Variants in RIN2 observed in about 807,000 individuals in gnomAD.
RIN2 encodes the protein Ras and Rab interactor 2.
Under a neutral mutation model 78.0 loss-of-function variants are expected in RIN2, and 36 were observed. The ratio of observed to expected loss-of-function variants is 0.46; its 90% CI spans 0.35 to 0.61. The LOEUF (loss-of-function observed/expected upper bound fraction) is 0.61, where lower values mean the gene tolerates loss of function less well. Among genes scored for constraint, RIN2 ranks in the 20% least tolerant of loss-of-function variants. The pLI, the probability that RIN2 is intolerant of heterozygous loss-of-function variation, is 0.00. For synonymous variants in RIN2, 466 were observed against 466.8 expected, an observed-to-expected ratio of 1.00 and a Z score of 0.02; for missense variants, 1,087 against 1,159.7, an observed-to-expected ratio of 0.94 and a Z score of 0.91.
chr20:19,961,680 A>G (rs755576764), intron 6 of RIN2, among the ~76,000 whole-genome samples: 17 of 152,126 alleles, frequency 1.1e-4, no homozygotes, highest in Non-Finnish European at 1.9e-4. Flanking sequence ...GGAGGGCACA[A>G]TCTTGCTGAG....
intron 7 of RIN2, among the ~76,000 whole-genome samples, chr20:19,968,961 A>G (rs969591075): frequency 2.3e-4 from 35 of 150,184 alleles, no homozygotes; most frequent in African/African-American, 8.6e-4. Flanking sequence ...GGCCAAGCAA[A>G]GGGGGTGCTC....
In RIN2 at chr20:19,853,948, G is replaced by A. The variant is rs370380794; in HGVS notation, c.-36-35618G>A. On this transcript the variant is annotated intron_variant, in intron 2 of 12. Coordinates refer to ENST00000255006, the MANE Select transcript of RIN2 (RefSeq NM_018993.4). ...CTTTTGGTGTTTTAGTCATGAAGTCGTTGCCCATGCCTATGTCCTGAATGG... is the reference window on the plus strand; with the variant it reads ...CTTTTGGTGTTTTAGTCATGAAGTCATTGCCCATGCCTATGTCCTGAATGG... Among the ~76,000 whole-genome samples the A allele has an allele frequency of 3.3e-4, 50 of 152,148 alleles. No homozygotes were observed. In the South Asian group the frequency reaches 5.0e-3, roughly 15 times the overall value.
chr20:19,989,298 G>T (rs2042722229), intron 9 of RIN2, among the ~76,000 whole-genome samples: 1 of 137,592 alleles, frequency 7.3e-6, no homozygotes, highest in East Asian at 2.1e-4. Flanking sequence ...TTTTGAGATG[G>T]AGTATCACTC....
intron 2 of RIN2, among the ~76,000 whole-genome samples, chr20:19,832,140 T>C (rs943023307): frequency 6.6e-6 from 1 of 151,812 alleles, no homozygotes; most frequent in Non-Finnish European, 1.5e-5. Context: ...CACCACCTGC[T>C]GTGCTCTCTA....
chr20:19,830,631 C>A (rs1055209205), intron 2 of RIN2, among the ~76,000 whole-genome samples: 1 of 152,214 alleles, frequency 6.6e-6, no homozygotes, highest in Non-Finnish European at 1.5e-5. Context: ...AAAGCATGAA[C>A]AACTGCCACA....
intron 2 of RIN2, among the ~76,000 whole-genome samples, chr20:19,821,747 C>T (rs1015858679): frequency 6.6e-6 from 1 of 152,112 alleles, no homozygotes; most frequent in Non-Finnish European, 1.5e-5. Context: ...TCTGCAACAC[C>T]CTTCTGGCCT....
At chr20:19,900,473 A>C (rs1400285138) in intron 3 of RIN2, among the ~76,000 whole-genome samples, 3 of 150,926 alleles carry the variant, frequency 2.0e-5, no homozygotes, top group Non-Finnish European at 4.4e-5. Flanking sequence ...ACAGAGTCTC[A>C]AAATAAAAAA....
At chr20:19,881,925 C>T (rs573074605) in intron 2 of RIN2, among the ~76,000 whole-genome samples, 1 of 152,192 alleles carries the variant, frequency 6.6e-6, no homozygotes, top group Non-Finnish European at 1.5e-5. Context: ...TGTGGAATTG[C>T]TTCTACTTTC....
chr20:19,787,010 A>G (rs1427184085), intron 1 of RIN2, among the ~76,000 whole-genome samples: 1 of 152,226 alleles, frequency 6.6e-6, no homozygotes, highest in East Asian at 1.9e-4. Context: ...AGCTAAAAGG[A>G]CATAGGGACT....
intron 2 of RIN2, among the ~76,000 whole-genome samples, chr20:19,858,317 A>G (rs989597839): frequency 3.3e-5 from 5 of 152,192 alleles, no homozygotes; most frequent in Admixed American, 3.3e-4. Flanking sequence ...GAGTTAAATT[A>G]GGAAAGCGAG....
chr20:19,869,081 C>CAAAAAAA (rs11413677), intron 2 of RIN2, among the ~76,000 whole-genome samples: 1 of 76,304 alleles, frequency 1.3e-5, no homozygotes. Flanking sequence ...GACTCCGTCT[C>CAAAAAAA]AAAAAAAAAA....
At chr20:19,777,398 G>C (rs2034347767) in intron 1 of RIN2, among the ~76,000 whole-genome samples, 2 of 152,248 alleles carry the variant, frequency 1.3e-5, no homozygotes, top group Admixed American at 6.5e-5. Context: ...AAAGAAACAT[G>C]CTGTTTCAGA....
intron 1 of RIN2, among the ~76,000 whole-genome samples, chr20:19,779,566 G>T (rs1420500552): frequency 6.6e-6 from 1 of 152,128 alleles, no homozygotes; most frequent in African/African-American, 2.4e-5. Flanking sequence ...CAAATTCCAG[G>T]ATCTATGTTG....
chr20:19,893,150 A>G (rs1296091368), intron 3 of RIN2, among the ~76,000 whole-genome samples: 1 of 152,232 alleles, frequency 6.6e-6, no homozygotes, highest in African/African-American at 2.4e-5. Context: ...GGTTCCAGAG[A>G]AATCTTTCCC....
chr20:19,950,930 C>A (rs2041289235), intron 4 of RIN2, among the ~76,000 whole-genome samples: 2 of 150,772 alleles, frequency 1.3e-5, no homozygotes. Context: ...AACTCTGTCA[C>A]CCCCGCTGAA....
In RIN2 at chr20:19,837,406, A is replaced by G. The variant is rs537141622; in HGVS notation, c.-37+37659A>G. Among the ~76,000 whole-genome samples, 63 of 152,320 alleles carry G rather than the reference A, an allele frequency of 4.1e-4. 1 individual carries two copies. In the South Asian group the frequency reaches 0.013, roughly 31 times the overall value. On this transcript the variant is annotated intron_variant, in intron 2 of 12. Coordinates refer to ENST00000255006, the MANE Select transcript of RIN2 (RefSeq NM_018993.4). ...ACAGGGAAGCATTATCTCTTTCTTA[A>G]TCTTCACTAATTTCACAAATGAGAA...
chr20:19,958,128 A>G (rs897106345), intron 5 of RIN2, among the ~76,000 whole-genome samples: 4 of 152,196 alleles, frequency 2.6e-5, no homozygotes, highest in African/African-American at 9.6e-5. Flanking sequence ...AAACATATGA[A>G]TCTTTCTTTA....
chr20:19,975,756 C>A lies in RIN2; in HGVS notation c.1731C>A (p.Pro577=). The A allele has an allele frequency of 6.2e-7, 1 of 1,612,094 alleles. No individual in the cohort carries two copies. Among genetic ancestry groups the A allele is most frequent in the Non-Finnish European group, 8.5e-7 (1 of 1,179,210 alleles). Residue 577 remains proline, a synonymous_variant, in exon 9 of 13, where the codon CCC becomes CCA. Transcript: ENST00000255006. The surrounding 1 kb of genome is among the most constrained non-coding windows in gnomAD (Gnocchi z 4.9). The stretch of plus-strand genomic sequence containing the variant: ...CTCAGAGCTCGGAGCTGGACCCCCC[C>A]ATCGAGTCGCTGATCCCTGAAGACC... The part of the protein sequence containing the change: ...YLSQSSELDP[P]IESLIPEDQI...
chr20:19,879,538 G>A lies in RIN2; in HGVS notation c.-36-10028G>A, dbSNP rs191126746. ...CTTCAGAGGAGGCTATCTGTTCTCC[G>A]GCCCACTTCCTAAGAGAAAGCATGG... is the stretch of plus-strand genomic sequence containing the variant. On this transcript the variant is annotated intron_variant, in intron 2 of 12. Coordinates refer to ENST00000255006, the MANE Select transcript of RIN2 (RefSeq NM_018993.4). Among the ~76,000 whole-genome samples the A allele has an allele frequency of 3.6e-3, 546 of 152,296 alleles. 5 individuals carry two copies. Among genetic ancestry groups the A allele is most frequent in the Non-Finnish European group, 5.4e-3 (367 of 68,024 alleles).
Sources: allele counts gnomAD v4.1 joint callset (sites outside exome capture counted in the v4.1 genomes callset), GRCh38; gene constraint gnomAD v4.1.1; non-coding constraint Gnocchi (gnomAD v3.1); transcripts MANE v1.5; gene names NCBI Gene and HGNC (gene_info 2026-07-23, HGNC 2026-07-21).